Variants in GALNS observed in about 807,000 individuals in gnomAD.
The protein encoded by GALNS is N-acetylgalactosamine-6-sulfatase.
In GALNS, 65 loss-of-function variants were observed where a neutral mutation model predicts 65.9. That is an observed-to-expected ratio of 0.99 (90% confidence interval 0.81 to 1.21). The LOEUF is 1.21. Ranked by LOEUF, GALNS falls within the 50% of genes most tolerant of loss-of-function variation. The probability of loss-of-function intolerance (pLI) is 0.00; values close to 1 mark genes in which losing one functional copy is unlikely to be tolerated. For missense variants in GALNS, 776 were observed against 700.7 expected, an observed-to-expected ratio of 1.11 and a Z score of -1.21; for synonymous variants, 346 against 288.9, an observed-to-expected ratio of 1.20 and a Z score of -2.00.
chr16:88,847,849 GC>G (rs1448929794), intron 1 of GALNS, among the ~76,000 whole-genome samples: 2 of 152,204 alleles, frequency 1.3e-5, no homozygotes, highest in African/African-American at 4.8e-5. Flanking sequence ...CCTGGTACAC[GC>G]CCAACAGAAC....
At chr16:88,855,024 C>G (rs1371284241) in intron 1 of GALNS, 1 of 360,288 alleles carries the variant, frequency 2.8e-6, no homozygotes, top group Non-Finnish European at 5.4e-6. Context: ...ACCCCTCCAC[C>G]CTGCACGGCC....
intron 10 of GALNS, 100 bp from the exon 11 acceptor site, chr16:88,824,969 A>C: frequency 1.1e-6 from 1 of 899,732 alleles, no homozygotes; most frequent in Admixed American, 1.9e-5. Context: ...TCATGCCTCC[A>C]CGTGAGGTCT....
At chr16:88,853,748 G>A (rs544468306) in intron 1 of GALNS, among the ~76,000 whole-genome samples, 23 of 152,278 alleles carry the variant, frequency 1.5e-4, no homozygotes, top group Admixed American at 5.2e-4. Context: ...AGGGTACTAC[G>A]AAGCCAGGCC....
intron 1 of GALNS, 184 bp downstream of exon 1, chr16:88,856,574 C>G: frequency 3.5e-6 from 2 of 577,676 alleles, no homozygotes; most frequent in Non-Finnish European, 6.3e-6. Flanking sequence ...CCTCCCCGCA[C>G]GGGGATACCC....
chr16:88,846,240 C>T (rs1203697754), intron 1 of GALNS, among the ~76,000 whole-genome samples: 4 of 152,122 alleles, frequency 2.6e-5, no homozygotes, highest in African/African-American at 4.8e-5. Flanking sequence ...ACAGGGTTGC[C>T]GCAGATATGA....
intron 1 of GALNS, chr16:88,855,461 C>CG (rs1967770174): frequency 1.4e-6 from 1 of 702,696 alleles, no homozygotes; most frequent in Non-Finnish European, 2.6e-6. Flanking sequence ...GAGAAAGGCC[C>CG]GGCTACTGCT....
chr16:88,856,037 G>A lies in GALNS; in HGVS notation c.120+721C>T, dbSNP rs1029381569. ...GGGTTTCAACCCAGGTGTGTCTGGGGTCCTGCACGGTGACCCATGCCCCAG... is the reference window on the plus strand; with the variant it reads ...GGGTTTCAACCCAGGTGTGTCTGGGATCCTGCACGGTGACCCATGCCCCAG... On this transcript the variant is annotated intron_variant, in intron 1 of 13. Transcript: ENST00000268695. The A allele has an allele frequency of 6.3e-5, 40 of 633,768 alleles. No individual in the cohort carries two copies. The South Asian group carries it at 6.5e-4, about 10-fold the overall frequency. 39.3% of individuals were successfully genotyped at this position (633,768 alleles called of 1,614,324 possible).
Position 88,835,321 on chromosome 16 carries a change from T to C in GALNS, c.790A>G (p.Ser264Gly). ...AGGAGCTCCAGTATCTTCCCAATGC[T>C]GTCATCAATCTCCCGGACGGCGTCT... ...YGDAVREIDD[S>G]IGKILELLQD... Residue 264 changes from serine to glycine, a missense_variant, in exon 8 of 14, where the codon AGC becomes GGC. Coordinates refer to ENST00000268695, the MANE Select transcript of GALNS (RefSeq NM_000512.5). The C allele has an allele frequency of 6.2e-7, 1 of 1,613,710 alleles. No homozygotes were observed. The highest frequency in any genetic ancestry group is 1.3e-5 in the African/African-American group (1 of 75,020).
At chr16:88,854,434 T>C (rs1967670675) in intron 1 of GALNS, among the ~76,000 whole-genome samples, 1 of 152,214 alleles carries the variant, frequency 6.6e-6, no homozygotes, top group African/African-American at 2.4e-5. Context: ...ATCCCTGCCC[T>C]GTCCTGGCAG....
intron 11 of GALNS, among the ~76,000 whole-genome samples, chr16:88,824,477 G>T (rs1194525806): frequency 1.3e-5 from 2 of 152,166 alleles, no homozygotes; most frequent in African/African-American, 4.8e-5. Context: ...TGGCAGGATG[G>T]AGAGGCCCAT....
intron 11 of GALNS, among the ~76,000 whole-genome samples, chr16:88,824,165 G>C (rs1297117160): frequency 2.0e-5 from 3 of 152,170 alleles, no homozygotes; most frequent in African/African-American, 7.2e-5. Context: ...GTGGGGCTGA[G>C]AGAGACCTCT....
chr16:88,820,995 C>G (rs953219855), intron 12 of GALNS, among the ~76,000 whole-genome samples: 11 of 152,294 alleles, frequency 7.2e-5, no homozygotes, highest in African/African-American at 2.6e-4. Context: ...GGCTCCCAGA[C>G]AGCCCCTCCA....
At chr16:88,817,358 T>G (rs1263690787) in intron 13 of GALNS, 1 of 985,318 alleles carries the variant, frequency 1.0e-6, no homozygotes, top group African/African-American at 1.7e-5. Flanking sequence ...GTTTCTCTAC[T>G]GGAGGTGAAC....
intron 13 of GALNS, 140 bp downstream of exon 13, chr16:88,817,867 G>A: frequency 1.3e-6 from 1 of 790,464 alleles, no homozygotes; most frequent in African/African-American, 1.7e-5. Context: ...CGTGTGCTCT[G>A]AGGCACGAGG....
chr16:88,814,457 C>T lies in GALNS; in HGVS notation c.1551G>A (p.Lys517=), dbSNP rs148182125. The change falls in exon 14 of 14, where the codon AAG becomes AAA. Residue 517 remains lysine (K), a synonymous_variant. Coordinates refer to ENST00000268695, the MANE Select transcript of GALNS (RefSeq NM_000512.5). ...GCAGGTGCTAGTGGGACCAGAGGCA[C>T]TTCTTGGGAATGGATTCTGGAGGTG... is the stretch of plus-strand genomic sequence containing the variant. The part of the protein sequence containing the change: ...CLTPPESIPK[K]CLWSH The T allele has an allele frequency of 9.3e-5, 145 of 1,562,492 alleles. No homozygotes were observed. In the African/African-American group the frequency reaches 1.8e-3, roughly 19 times the overall value.
Position 88,821,634 on chromosome 16 carries a change from G to A in GALNS, c.1364+955C>T, listed in dbSNP as rs538836002. ...AGCCCCGTGGGAAGGCGGCTGCCCC[G>A]TCCAGAGGGTGCAGGAGCCTCAGGG... On this transcript the variant is annotated intron_variant, in intron 12 of 13. Coordinates refer to ENST00000268695, the MANE Select transcript of GALNS (RefSeq NM_000512.5). 7.2e-5 allele frequency among the ~76,000 whole-genome samples: 11 copies of A among 152,316 alleles called. No homozygotes were observed. The East Asian group carries it at 1.2e-3, about 16-fold the overall frequency.
intron 10 of GALNS, among the ~76,000 whole-genome samples, chr16:88,825,654 G>A (rs1363819338): frequency 6.6e-6 from 1 of 151,276 alleles, no homozygotes; most frequent in African/African-American, 2.4e-5. Context: ...CCTCATTGCT[G>A]GTCCTTGGCA....
chr16:88,836,869 G>A (rs1486162545), intron 5 of GALNS, among the ~76,000 whole-genome samples: 1 of 152,226 alleles, frequency 6.6e-6, no homozygotes, highest in African/African-American at 2.4e-5. Context: ...CACTCGGCTG[G>A]GGCTGGGGAG....
chr16:88,821,383 G>A (rs999078636), intron 12 of GALNS, among the ~76,000 whole-genome samples: 3 of 152,168 alleles, frequency 2.0e-5, no homozygotes, highest in South Asian at 2.1e-4. Context: ...AGCGCCACCC[G>A]TGCCTTAATC....
Sources: allele counts gnomAD v4.1 joint callset (sites outside exome capture counted in the v4.1 genomes callset), GRCh38; gene constraint gnomAD v4.1.1; transcripts MANE v1.5; gene names NCBI Gene and HGNC (gene_info 2026-07-23, HGNC 2026-07-21).